Variants in CYP27B1 observed in about 807,000 individuals in gnomAD.
CYP27B1 encodes the protein cytochrome P450 family 27 subfamily B member 1, also known as 25-hydroxyvitamin D-1 alpha hydroxylase, mitochondrial.
In CYP27B1, 46 loss-of-function variants were observed where a neutral mutation model predicts 54.8. That is an observed-to-expected ratio of 0.84 (90% CI 0.66 to 1.07). The LOEUF (loss-of-function observed/expected upper bound fraction) is 1.07, where lower values mean the gene tolerates loss of function less well. Ranked by LOEUF, CYP27B1 falls within the 50% of genes least tolerant of loss-of-function variation. The pLI is 0.00. For synonymous variants in CYP27B1, 292 were observed against 297.3 expected, an observed-to-expected ratio of 0.98 and a Z score of 0.18; for missense variants, 674 against 692.2, an observed-to-expected ratio of 0.97 and a Z score of 0.30.
At chr12:57,764,720 G>A in intron 5 of CYP27B1, 34 bp downstream of exon 5, 1 of 1,613,714 alleles carries the variant, frequency 6.2e-7, no homozygotes, top group Non-Finnish European at 8.5e-7. Context: ...GCTAAGCCCT[G>A]GAACCGGCTC....
Position 57,763,119 on chromosome 12 carries a change from G to A in CYP27B1, c.*23C>T, listed in dbSNP as rs1052261681. 1.3e-6 allele frequency: 2 copies of A among 1,504,610 alleles called. No individual in the cohort carries two copies. The highest frequency in any genetic ancestry group is 9.3e-7 in the Non-Finnish European group (1 of 1,080,710). The allele number at this position is 1,504,610 out of a possible 1,614,324, so 93.2% of individuals were successfully genotyped here. On this transcript the variant is annotated 3_prime_UTR_variant, in exon 9 of 9. Coordinates refer to ENST00000228606, the MANE Select transcript of CYP27B1 (RefSeq NM_000785.4). ...TCCCTATGATGAATGAAAGGGTGAT[G>A]ATGACAGTCTCTTTCCATGGGACTA...
chr12:57,765,574 C>G lies in CYP27B1; in HGVS notation c.387-75G>C. 2 of 1,460,736 alleles carry G rather than the reference C, an allele frequency of 1.4e-6. No individual in the cohort carries two copies. Among genetic ancestry groups the G allele is most frequent in the Non-Finnish European group, 1.9e-6 (2 of 1,061,330 alleles). 90.5% of individuals were successfully genotyped at this position (1,460,736 alleles called of 1,614,324 possible). A position where few individuals can be genotyped will look rare whatever the true frequency, so the allele number is the denominator to read the frequency against. The stretch of plus-strand genomic sequence containing the variant: ...CGGGACTGGCTGCAGTGAAGGAGCG[C>G]GTTCGGCTGCGGTGGCCAGGAGAGG... On this transcript the variant is annotated intron_variant, in intron 2 of 8. Coordinates refer to ENST00000228606, the MANE Select transcript of CYP27B1 (RefSeq NM_000785.4). This position sits in a 1 kb window ranked among gnomAD's most constrained non-coding sequence, Gnocchi z 5.8.
rs545464947 is a variant in CYP27B1 at position 57,762,404 on chromosome 12, G to A, written c.*738C>T. On this transcript the variant is annotated 3_prime_UTR_variant, in exon 9 of 9. Transcript: ENST00000228606. Reference sequence around the variant, plus strand: ...AAAATTTTCAATATAAAAAGCCAGAGGCCTGGGCAGGGACAGGCCCAAAGA... The same window carrying A: ...AAAATTTTCAATATAAAAAGCCAGAAGCCTGGGCAGGGACAGGCCCAAAGA... The A allele has an allele frequency of 2.6e-5, 4 of 152,374 alleles. No individual in the cohort carries two copies. In the East Asian group the frequency reaches 7.7e-4, roughly 29 times the overall value. 9.4% of individuals were successfully genotyped at this position (152,374 alleles called of 1,614,324 possible).
intron 6 of CYP27B1, 61 bp from the exon 7 acceptor site, chr12:57,764,237 T>C: frequency 6.4e-7 from 1 of 1,563,970 alleles, no homozygotes; most frequent in Non-Finnish European, 8.8e-7. Flanking sequence ...AGCCCCCTTC[T>C]CATTGTTTCC....
At chr12:57,763,507 C>T in intron 8 of CYP27B1, 104 bp downstream of exon 8, 1 of 1,058,032 alleles carries the variant, frequency 9.5e-7, no homozygotes, top group South Asian at 1.3e-5. Flanking sequence ...TTCATTCTAC[C>T]AGGTCTTATA....
At chr12:57,764,303 C>T in intron 6 of CYP27B1, 75 bp downstream of exon 6, 2 of 1,596,628 alleles carry the variant, frequency 1.3e-6, no homozygotes, top group Non-Finnish European at 8.6e-7. Flanking sequence ...TGCTATCTCC[C>T]TGCTTCCATC....
At chr12:57,766,556 G>A (rs540725569) in intron 1 of CYP27B1, 9 of 573,660 alleles carry the variant, frequency 1.6e-5, no homozygotes, top group East Asian at 5.9e-5. Context: ...AGCAGGCGGA[G>A]GGTACTGCCC....
chr12:57,765,375 G>A lies in CYP27B1; in HGVS notation c.511C>T (p.Arg171Cys), dbSNP rs535463729. ...GGCCCCGTGCCACGTCCCCGCTGGC[G>A]CCTCAGACGCCGCACAAGGTCGCAG... ...VVCDLVRRLR[R>C]QRGRGTGPPA... is the part of the protein sequence containing the mutation. The change falls in exon 3 of 9, where the codon CGC becomes TGC. Residue 171 changes from arginine to cysteine, a missense_variant. Coordinates refer to ENST00000228606, the MANE Select transcript of CYP27B1 (RefSeq NM_000785.4). The surrounding 1 kb of genome is among the most constrained non-coding windows in gnomAD (Gnocchi z 5.8). 7.1e-5 allele frequency: 115 copies of A among 1,613,194 alleles called. No homozygotes were observed. The highest frequency in any genetic ancestry group is 9.1e-5 in the Non-Finnish European group (107 of 1,179,710).
At chr12:57,764,988 T>G (rs892730807) in intron 4 of CYP27B1, 23 bp downstream of exon 4, 3 of 1,613,746 alleles carry the variant, frequency 1.9e-6, no homozygotes, top group Non-Finnish European at 2.5e-6. Context: ...ATTCCCCCAT[T>G]TCCACCTCGA....
At position 57,765,767 on chromosome 12, in the gene CYP27B1, T is replaced by C. The variant is rs1445542658; in HGVS notation, c.386+240A>G. 3.6e-6 allele frequency: 3 copies of C among 842,624 alleles called. No individual in the cohort carries two copies. In the African/African-American group the frequency reaches 5.1e-5, roughly 14 times the overall value. The allele number at this position is 842,624 out of a possible 1,614,324, so 52.2% of individuals were successfully genotyped here. ...CCAGATCCTTGTACCCTAGCCCAAT[T>C]CCTCCGGTTCCCCCAGTTCCCAGGA... On this transcript the variant is annotated intron_variant, in intron 2 of 8. Transcript: ENST00000228606. The surrounding 1 kb of genome is among the most constrained non-coding windows in gnomAD (Gnocchi z 5.8).
At chr12:57,764,060 G>T in intron 7 of CYP27B1, 38 bp downstream of exon 7, 1 of 1,518,614 alleles carries the variant, frequency 6.6e-7, no homozygotes, top group Non-Finnish European at 9.1e-7. Context: ...AGATAGTGAG[G>T]AATGGCTCAG....
At chr12:57,763,538 G>A in intron 8 of CYP27B1, 73 bp downstream of exon 8, 1 of 1,320,826 alleles carries the variant, frequency 7.6e-7, no homozygotes, top group Non-Finnish European at 1.1e-6. Flanking sequence ...TGCTTGTCAG[G>A]GGAAAGAGCT....
chr12:57,763,865 G>T, intron 7 of CYP27B1, 57 bp from the exon 8 acceptor site: 1 of 1,552,124 alleles, frequency 6.4e-7, no homozygotes, highest in South Asian at 1.1e-5. Flanking sequence ...CAGGCATGAA[G>T]AAGAGGATAT....
chr12:57,763,883 G>T, intron 7 of CYP27B1, 75 bp from the exon 8 acceptor site: 1 of 1,473,970 alleles, frequency 6.8e-7, no homozygotes, highest in Non-Finnish European at 9.4e-7. Context: ...TATTCAGACA[G>T]GGACAAAGGC....
chr12:57,765,876 A>C lies in CYP27B1; in HGVS notation c.386+131T>G, dbSNP rs2140397497. ...GTGGGTGAAGCAGACTGGGATGGGA[A>C]CCCCAAGATGCCCAATGGTAGAGTG... On this transcript the variant is annotated intron_variant, in intron 2 of 8. Transcript: ENST00000228606. This position sits in a 1 kb window ranked among gnomAD's most constrained non-coding sequence, Gnocchi z 5.8. 1.1e-5 allele frequency: 16 copies of C among 1,424,922 alleles called. No homozygotes were observed. The South Asian group carries it at 2.4e-4, about 21-fold the overall frequency. The allele number at this position is 1,424,922 out of a possible 1,614,324, so 88.3% of individuals were successfully genotyped here.
At chr12:57,764,574 G>C in intron 5 of CYP27B1, 24 bp from the exon 6 acceptor site, 3 of 1,613,488 alleles carry the variant, frequency 1.9e-6, no homozygotes, top group Non-Finnish European at 2.5e-6. Flanking sequence ...GAAAGCAAGA[G>C]AGGTGTTGGG....
At chr12:57,766,809 C>T (rs1955365672) in intron 1 of CYP27B1, 38 bp downstream of exon 1, 2 of 1,608,100 alleles carry the variant, frequency 1.2e-6, no homozygotes, top group Non-Finnish European at 1.7e-6. Context: ...AAACCAGTTT[C>T]CCCAGCACTC....
In CYP27B1 at chr12:57,766,838, C is replaced by T. The variant is rs753998021; in HGVS notation, c.195+9G>A. ...AGCACTCTGTCTCGGGAAAGGCGTC[C>T]CTTCCTACCTGCAGCTCGTGTAGCC... is the stretch of plus-strand genomic sequence containing the variant. On this transcript the variant is annotated intron_variant, in intron 1 of 8. Transcript: ENST00000228606. The T allele has an allele frequency of 1.2e-6, 2 of 1,614,180 alleles. No individual in the cohort carries two copies.
Position 57,763,052 on chromosome 12 carries a change from G to C in CYP27B1, c.*90C>G. ...TCCAGTTTGGTCAGATAGGCATTAGGGGAAGATGTATACCTTGGTCTTGTG... is the reference window on the plus strand; with the variant it reads ...TCCAGTTTGGTCAGATAGGCATTAGCGGAAGATGTATACCTTGGTCTTGTG... On this transcript the variant is annotated 3_prime_UTR_variant, in exon 9 of 9. Transcript: ENST00000228606. 3.3e-6 allele frequency: 3 copies of C among 905,374 alleles called. No individual in the cohort carries two copies. Among genetic ancestry groups the C allele is most frequent in the Non-Finnish European group, 5.4e-6 (3 of 557,214 alleles). The allele number at this position is 905,374 out of a possible 1,614,324, so 56.1% of individuals were successfully genotyped here. A position where few individuals can be genotyped will look rare whatever the true frequency, so the allele number is the denominator to read the frequency against.
Sources: gnomAD v4.1 joint callset for allele counts on GRCh38, gnomAD v4.1.1 for gene constraint, Gnocchi (gnomAD v3.1) non-coding constraint, MANE v1.5 for transcripts, NCBI Gene and HGNC (gene_info 2026-07-23, HGNC 2026-07-21) for gene names.